The following MACO1 variants were observed in gnomAD, a reference collection of about 807,000 sequenced individuals.
MACO1 encodes the protein macoilin 1, also known as macoilin.
In MACO1, 14 loss-of-function variants were observed where a neutral mutation model predicts 78.7. That is an observed-to-expected ratio of 0.18 (90% CI 0.12 to 0.28). The LOEUF is 0.28. MACO1 is among the 10% of genes least tolerant of loss of function. The pLI, the probability that MACO1 is intolerant of heterozygous loss-of-function variation, is 1.00. For synonymous variants in MACO1, 288 were observed against 291.6 expected (o/e 0.99, Z 0.12); for missense variants, 501 against 799.0 (o/e 0.63, Z 4.50).
intron 3 of MACO1, among the ~76,000 whole-genome samples, chr1:25,451,103 C>T (rs566818206): frequency 1.9e-4 from 28 of 148,040 alleles, no homozygotes; most frequent in East Asian, 1.9e-4. Context: ...CTCAGAAATG[C>T]ATATTGGAAT....
intron 1 of MACO1, among the ~76,000 whole-genome samples, chr1:25,442,859 T>G (rs969103063): frequency 6.6e-6 from 1 of 152,222 alleles, no homozygotes; most frequent in African/African-American, 2.4e-5. Flanking sequence ...TTTCAATATA[T>G]TATTTTGGAA....
chr1:25,462,926 T>A (rs565888194), intron 6 of MACO1, among the ~76,000 whole-genome samples: 61 of 152,208 alleles, frequency 4.0e-4, no homozygotes, highest in African/African-American at 1.5e-3. Flanking sequence ...AAAAATAAAT[T>A]TTACTGGAAC....
intron 1 of MACO1, among the ~76,000 whole-genome samples, chr1:25,431,914 C>CTT (rs63096061): frequency 6.8e-6 from 1 of 147,466 alleles, no homozygotes; most frequent in Non-Finnish European, 1.5e-5. Context: ...TCTCCAAACT[C>CTT]TTTTTTTTTT....
intron 3 of MACO1, among the ~76,000 whole-genome samples, chr1:25,452,119 T>G (rs1194618366): frequency 6.6e-6 from 1 of 152,092 alleles, no homozygotes; most frequent in African/African-American, 2.4e-5. Context: ...TCTGTGAACT[T>G]GGGCCCAGTT....
chr1:25,460,970 G>A (rs1359501783), intron 6 of MACO1, among the ~76,000 whole-genome samples: 1 of 151,994 alleles, frequency 6.6e-6, no homozygotes, highest in African/African-American at 2.4e-5. Flanking sequence ...AAAAAATAAG[G>A]GGATCGATAG....
intron 8 of MACO1, among the ~76,000 whole-genome samples, chr1:25,488,775 G>A (rs1258515272): frequency 6.6e-6 from 1 of 152,088 alleles, no homozygotes; most frequent in African/African-American, 2.4e-5. Flanking sequence ...GTGAGCCACT[G>A]CACTCGGCCA....
At position 25,491,569 on chromosome 1, in the gene MACO1, C is replaced by T; in HGVS notation, c.1777C>T (p.Leu593Phe). ...CGCACTGGGCGATGCAAAGCGGCAG[C>T]TCGAGATTGCCCAAGGTAGGAGAAC... ...FSALGDAKRQ[L>F]EIAQGQILQK... Residue 593 changes from leucine (L) to phenylalanine (F), a missense_variant, in exon 10 of 11, where the codon CTC (leucine) becomes TTC (phenylalanine). Physicochemically the swap from Leu to Phe is conservative, Grantham distance 22. Transcript: ENST00000374343. 6.2e-7 allele frequency: 1 copy of T among 1,614,136 alleles called. No homozygotes were observed. The highest frequency in any genetic ancestry group is 1.1e-5 in the South Asian group (1 of 91,084).
chr1:25,489,278 A>G lies in MACO1; in HGVS notation c.1602A>G (p.Leu534=), dbSNP rs1156315994. The change falls in exon 9 of 11, where the codon CTA becomes CTG. Residue 534 remains leucine, a synonymous_variant. Coordinates refer to ENST00000374343, the MANE Select transcript of MACO1 (RefSeq NM_018202.6). ...MKVKEDQIRE[L]ELKVQELRKY... ...TGAAAGAAGACCAAATCAGAGAACT[A>G]GAACTAAAAGTCCAGGTAAGGGGGG... 1.2e-6 allele frequency: 2 copies of G among 1,613,826 alleles called. No homozygotes were observed. Among genetic ancestry groups the G allele is most frequent in the Non-Finnish European group, 1.7e-6 (2 of 1,179,928 alleles).
chr1:25,471,045 A>G (rs1487462430), intron 6 of MACO1, among the ~76,000 whole-genome samples: 2 of 150,872 alleles, frequency 1.3e-5, no homozygotes, highest in Non-Finnish European at 3.0e-5. Context: ...AATTAAAAAT[A>G]TATATGGGTA....
intron 6 of MACO1, 149 bp from the exon 7 acceptor site, chr1:25,483,967 T>C: frequency 1.4e-6 from 1 of 711,564 alleles, no homozygotes; most frequent in Non-Finnish European, 2.3e-6. Context: ...ATTAACCCAG[T>C]TGCAGACAGG....
At chr1:25,460,821 C>T (rs1291756441) in intron 6 of MACO1, among the ~76,000 whole-genome samples, 1 of 152,094 alleles carries the variant, frequency 6.6e-6, no homozygotes, top group Non-Finnish European at 1.5e-5. Flanking sequence ...GTCACTAATG[C>T]GTACTCTGCC....
At position 25,478,708 on chromosome 1, in the gene MACO1, C is replaced by A. The variant is rs553137465; in HGVS notation, c.1155-5408C>A. 9.9e-5 allele frequency among the ~76,000 whole-genome samples: 15 copies of A among 152,260 alleles called. No individual in the cohort carries two copies. In the South Asian group the frequency reaches 3.1e-3, roughly 32 times the overall value. On this transcript the variant is annotated intron_variant, in intron 6 of 10. Transcript: ENST00000374343. Reference sequence around the variant, plus strand: ...TCAGTAAAGTGAGTAGGAAAAGTTGCCTGGACCTGATGTGTAATAATTTAG... The same window carrying A: ...TCAGTAAAGTGAGTAGGAAAAGTTGACTGGACCTGATGTGTAATAATTTAG...
chr1:25,479,088 T>C (rs2043347827), intron 6 of MACO1, among the ~76,000 whole-genome samples: 1 of 152,200 alleles, frequency 6.6e-6, no homozygotes, highest in Non-Finnish European at 1.5e-5. Flanking sequence ...TCTCTATCCC[T>C]GTCTGCTGAG....
chr1:25,448,751 G>T, intron 2 of MACO1, 57 bp from the exon 3 acceptor site: 9 of 1,405,468 alleles, frequency 6.4e-6, no homozygotes, highest in Non-Finnish European at 8.5e-6. Flanking sequence ...ACAATGTGTG[G>T]TTGAAAATAA....
At chr1:25,494,832 G>A (rs939294908) in intron 10 of MACO1, among the ~76,000 whole-genome samples, 2 of 152,190 alleles carry the variant, frequency 1.3e-5, no homozygotes, top group African/African-American at 4.8e-5. Context: ...GTACTCCCCA[G>A]AAACCCAAGT....
intron 10 of MACO1, among the ~76,000 whole-genome samples, chr1:25,492,082 C>G (rs2043491183): frequency 6.6e-6 from 1 of 152,118 alleles, no homozygotes; most frequent in African/African-American, 2.4e-5. Context: ...TAGGCAAGGG[C>G]TGGGAGCTAG....
At chr1:25,453,211 G>A (rs2043083585) in intron 3 of MACO1, among the ~76,000 whole-genome samples, 1 of 147,376 alleles carries the variant, frequency 6.8e-6, no homozygotes, top group South Asian at 2.2e-4. Context: ...TTGCCATGTT[G>A]GCCAGGCTGG....
At chr1:25,472,322 G>A (rs1198492814) in intron 6 of MACO1, among the ~76,000 whole-genome samples, 1 of 152,056 alleles carries the variant, frequency 6.6e-6, no homozygotes, top group Non-Finnish European at 1.5e-5. Flanking sequence ...CCATCAACCC[G>A]TCATCTACAT....
rs993599847 is a variant in MACO1 at position 25,468,355 on chromosome 1, G to A, written c.1154+9463G>A. 2.6e-5 allele frequency among the ~76,000 whole-genome samples: 4 copies of A among 152,126 alleles called. No homozygotes were observed. The South Asian group carries it at 8.3e-4, about 32-fold the overall frequency. On this transcript the variant is annotated intron_variant, in intron 6 of 10. Transcript: ENST00000374343. Reference sequence around the variant, plus strand: ...GAGTAGGCTTAGCTTGGCAGCAGCAGATTTAAGAGCCCTGAACTAGAAGAC... The same window carrying A: ...GAGTAGGCTTAGCTTGGCAGCAGCAAATTTAAGAGCCCTGAACTAGAAGAC...
Sources: gnomAD v4.1 joint callset for allele counts (sites outside exome capture counted in the v4.1 genomes callset) on GRCh38, gnomAD v4.1.1 for gene constraint, MANE v1.5 for transcripts, NCBI Gene and HGNC (gene_info 2026-07-23, HGNC 2026-07-21) for gene names.